Variants in HCN1 observed in about 807,000 individuals in gnomAD.
HCN1 encodes hyperpolarization activated cyclic nucleotide gated potassium channel 1.
In HCN1, 13 loss-of-function variants were observed where a neutral mutation model predicts 78.9. That is an observed-to-expected ratio of 0.16 (90% CI 0.11 to 0.26). The LOEUF (loss-of-function observed/expected upper bound fraction) is 0.26, where lower values mean the gene tolerates loss of function less well. Ranked by LOEUF, HCN1 falls within the 10% of genes least tolerant of loss-of-function variation. The probability of loss-of-function intolerance (pLI) is 1.00; values close to 1 mark genes in which losing one functional copy is unlikely to be tolerated. For missense variants in HCN1, 810 were observed against 1,154.3 expected, an observed-to-expected ratio of 0.70 and a Z score of 4.32; for synonymous variants, 552 against 455.5, an observed-to-expected ratio of 1.21 and a Z score of -2.70.
chr5:45,300,654 G>T (rs899736545), intron 6 of HCN1, among the ~76,000 whole-genome samples: 1 of 152,024 alleles, frequency 6.6e-6, no homozygotes, highest in Non-Finnish European at 1.5e-5. Flanking sequence ...TCAAGATTCT[G>T]CAGAGTCAAA....
chr5:45,378,590 T>C (rs1747738460), intron 4 of HCN1, among the ~76,000 whole-genome samples: 1 of 152,082 alleles, frequency 6.6e-6, no homozygotes, highest in African/African-American at 2.4e-5. Flanking sequence ...TTTTCCAATG[T>C]TGGGTCACTG....
At chr5:45,693,656 T>G (rs1739954742) in intron 1 of HCN1, among the ~76,000 whole-genome samples, 1 of 152,118 alleles carries the variant, frequency 6.6e-6, no homozygotes, top group South Asian at 2.1e-4. Context: ...ATAAGGAGAA[T>G]CCTGTAATTC....
In HCN1 at chr5:45,353,117, T is replaced by C; in HGVS notation, c.1360A>G (p.Asn454Asp). The change falls in exon 5 of 8, where the codon AAT becomes GAT. Residue 454 changes from asparagine to aspartate, a missense_variant. By Grantham distance (23) the Asn-to-Asp change is conservative. Around this residue, in one of 6 missense-constraint regions of HCN1, gnomAD observed 100 missense variants for 126.8 expected, o/e 0.79. Transcript: ENST00000303230. The part of the protein sequence containing the change: ...FDEENILNEL[N>D]DPLREEIVNF... ...AATCTTACCTCTCTCAGAGGATCAT[T>C]GAGTTCATTGAGAATATTTTCCTCA... 6.2e-7 allele frequency: 1 copy of C among 1,610,924 alleles called. No individual in the cohort carries two copies. Among genetic ancestry groups the C allele is most frequent in the Non-Finnish European group, 8.5e-7 (1 of 1,177,962 alleles).
intron 2 of HCN1, among the ~76,000 whole-genome samples, chr5:45,480,411 T>C (rs954573027): frequency 6.6e-6 from 1 of 152,170 alleles, no homozygotes; most frequent in African/African-American, 2.4e-5. Flanking sequence ...TAAATAACAA[T>C]TGCAATAAGT....
At chr5:45,401,636 A>G (rs1739806221) in intron 3 of HCN1, among the ~76,000 whole-genome samples, 1 of 149,202 alleles carries the variant, frequency 6.7e-6, no homozygotes, top group East Asian at 1.9e-4. Context: ...ACTTATACTT[A>G]CACGTATTAC....
intron 1 of HCN1, among the ~76,000 whole-genome samples, chr5:45,683,212 C>T (rs1011643648): frequency 7.3e-5 from 11 of 151,698 alleles, no homozygotes; most frequent in African/African-American, 2.7e-4. Flanking sequence ...ATGGATTTTA[C>T]TCAATTATTT....
At chr5:45,290,783 G>C (rs1477249819) in intron 6 of HCN1, among the ~76,000 whole-genome samples, 1 of 151,896 alleles carries the variant, frequency 6.6e-6, no homozygotes, top group East Asian at 1.9e-4. Context: ...GAATGTTATA[G>C]TCTCATAGTT....
At chr5:45,672,677 T>C (rs1036925522) in intron 1 of HCN1, among the ~76,000 whole-genome samples, 8 of 151,316 alleles carry the variant, frequency 5.3e-5, no homozygotes, top group Non-Finnish European at 8.9e-5. Flanking sequence ...AATGATGTCA[T>C]AAAAAATAAG....
At chr5:45,581,337 T>C (rs1051096863) in intron 2 of HCN1, among the ~76,000 whole-genome samples, 25 of 152,012 alleles carry the variant, frequency 1.6e-4, no homozygotes, top group African/African-American at 5.8e-4. Flanking sequence ...AGTGTCTGTT[T>C]GTATCCTTCA....
intron 2 of HCN1, among the ~76,000 whole-genome samples, chr5:45,633,922 A>T (rs1745313789): frequency 6.6e-6 from 1 of 151,974 alleles, no homozygotes; most frequent in Non-Finnish European, 1.5e-5. Context: ...ACCTACTTTC[A>T]AGCCATTGAA....
In HCN1 at chr5:45,571,113, T is replaced by C. The variant is rs545836662; in HGVS notation, c.849+74072A>G. 2.0e-5 allele frequency among the ~76,000 whole-genome samples: 3 copies of C among 152,282 alleles called. No homozygotes were observed. The South Asian group carries it at 6.2e-4, about 32-fold the overall frequency. On this transcript the variant is annotated intron_variant, in intron 2 of 7. Transcript: ENST00000303230. ...ATTAAATATGCTTAGTTTCTAAAAC[T>C]CTTTTTGGTTCCTCTAGCAGGCATA...
chr5:45,298,803 T>A (rs1355148923), intron 6 of HCN1, among the ~76,000 whole-genome samples: 2 of 151,926 alleles, frequency 1.3e-5, no homozygotes, highest in Admixed American at 6.6e-5. Context: ...GAGTACAGTA[T>A]GGAATGGGAG....
intron 2 of HCN1, among the ~76,000 whole-genome samples, chr5:45,639,258 G>T (rs566491186): frequency 6.6e-6 from 1 of 152,064 alleles, no homozygotes; most frequent in Non-Finnish European, 1.5e-5. Context: ...ACACCTAGTG[G>T]TCTTTAGCAG....
chr5:45,307,931 C>CT (rs1232096035), intron 5 of HCN1, among the ~76,000 whole-genome samples: 1 of 151,994 alleles, frequency 6.6e-6, no homozygotes, highest in African/African-American at 2.4e-5. Flanking sequence ...ATTTCTGAAA[C>CT]TTTTTTGCTG....
chr5:45,564,688 G>T (rs1197519426), intron 2 of HCN1, among the ~76,000 whole-genome samples: 2 of 152,042 alleles, frequency 1.3e-5, no homozygotes, highest in African/African-American at 2.4e-5. Flanking sequence ...TTTCTATAAA[G>T]AATTATATTT....
chr5:45,319,862 T>C (rs1019793096), intron 5 of HCN1, among the ~76,000 whole-genome samples: 1 of 151,882 alleles, frequency 6.6e-6, no homozygotes, highest in African/African-American at 2.4e-5. Flanking sequence ...TAAAAAAGAA[T>C]AGCAAAACTT....
At chr5:45,546,506 C>T (rs1410310478) in intron 2 of HCN1, among the ~76,000 whole-genome samples, 1 of 151,908 alleles carries the variant, frequency 6.6e-6, no homozygotes, top group African/African-American at 2.4e-5. Context: ...TAAAACTTAT[C>T]TGTCTTTCTT....
At chr5:45,586,011 C>A (rs189523411) in intron 2 of HCN1, among the ~76,000 whole-genome samples, 354 of 152,300 alleles carry the variant, frequency 2.3e-3, no homozygotes, top group African/African-American at 8.1e-3. Context: ...GTTCTCAGAT[C>A]TTCAGCTGCA....
Position 45,262,371 on chromosome 5 carries a change from G to C in HCN1, c.2223C>G (p.Ser741=), listed in dbSNP as rs1561079193. The stretch of plus-strand genomic sequence containing the variant: ...GCTGTGGCTGAGTCTGCGGCGGCTG[G>C]GACTGCTGTACCTGCTGCTGCGGCT... The part of the protein sequence containing the change: ...QQQPQQQVQQ[S]QPPQTQPQQP... Residue 741 remains serine (S), a synonymous_variant, in exon 8 of 8, where the codon TCC becomes TCG. Transcript: ENST00000303230. 1.2e-6 allele frequency: 2 copies of C among 1,612,258 alleles called. No homozygotes were observed. The highest frequency in any genetic ancestry group is 1.7e-6 in the Non-Finnish European group (2 of 1,179,638).
Sources: gnomAD v4.1 joint callset for allele counts (sites outside exome capture counted in the v4.1 genomes callset) on GRCh38, gnomAD v4.1.1 for gene constraint, gnomAD v4.1.1 regional missense constraint, MANE v1.5 for transcripts, NCBI Gene and HGNC (gene_info 2026-07-23, HGNC 2026-07-21) for gene names.